VBP1: variants seen among roughly 807,000 people sequenced by gnomAD.
VBP1 encodes the protein prefoldin subunit 3.
A neutral mutation model predicts 15.5 loss-of-function variants in VBP1; 4 were observed. The ratio of observed to expected loss-of-function variants is 0.26; its 90% confidence interval spans 0.13 to 0.59. VBP1 has a LOEUF of 0.59. Among genes scored for constraint, VBP1 ranks in the 20% least tolerant of loss-of-function variants. VBP1 has a pLI of 0.90. For synonymous variants in VBP1, 61 were observed against 52.1 expected, an observed-to-expected ratio of 1.17 and a Z score of -0.74; for missense variants, 108 against 139.6, an observed-to-expected ratio of 0.77 and a Z score of 1.14.
chrX:155,221,936 C>T (rs1281862897), intron 2 of VBP1, among the ~76,000 whole-genome samples: 1 of 112,275 alleles, frequency 8.9e-6, no homozygotes, highest in East Asian at 2.8e-4. Context: ...ACATTAAGAA[C>T]AGTGTGCTCT....
At chrX:155,203,236 T>G (rs1412727033) in intron 1 of VBP1, among the ~76,000 whole-genome samples, 1 of 110,900 alleles carries the variant, frequency 9.0e-6, no homozygotes, top group African/African-American at 3.3e-5. Context: ...GAAATACCAT[T>G]TGACCCAGCC....
At chrX:155,220,993 C>T (rs1395087479) in intron 2 of VBP1, among the ~76,000 whole-genome samples, 1 of 110,508 alleles carries the variant, frequency 9.0e-6, no homozygotes, top group African/African-American at 3.3e-5. Flanking sequence ...GAGTTCAAGA[C>T]TAGCCTGGGC....
chrX:155,222,087 ATGTACATGTACTGCTTT>A (rs782317586), intron 2 of VBP1, among the ~76,000 whole-genome samples: 21 of 112,817 alleles, frequency 1.9e-4, no homozygotes, highest in Non-Finnish European at 3.7e-4. Context: ...ATTTTTTACA[ATGTACATGTACTGCTTT>A]TGTGATAGTA....
intron 2 of VBP1, among the ~76,000 whole-genome samples, chrX:155,225,680 A>G (rs1382941984): frequency 8.9e-6 from 1 of 112,450 alleles, no homozygotes; most frequent in Non-Finnish European, 1.9e-5. Context: ...AAAGTCATTT[A>G]CATGACAAAA....
chrX:155,197,651 GC>G, intron 1 of VBP1, among the ~76,000 whole-genome samples: 1 of 112,140 alleles, frequency 8.9e-6, no homozygotes, highest in Non-Finnish European at 1.9e-5. Flanking sequence ...AATAGGAACA[GC>G]TCCAGTCTAC....
At chrX:155,236,105 C>G in intron 4 of VBP1, 124 bp from the exon 5 acceptor site, 2 of 787,115 alleles carry the variant, frequency 2.5e-6, no homozygotes, top group South Asian at 6.7e-5. Flanking sequence ...TCCAGTGAAA[C>G]TTAACTTACA....
At chrX:155,234,816 G>A (rs1181763597) in intron 4 of VBP1, among the ~76,000 whole-genome samples, 2 of 112,231 alleles carry the variant, frequency 1.8e-5, no homozygotes, top group Non-Finnish European at 3.8e-5. Flanking sequence ...GATATTCCCT[G>A]AGTTATCTCA....
At chrX:155,201,757 C>A (rs1248908473) in intron 1 of VBP1, among the ~76,000 whole-genome samples, 18 of 107,365 alleles carry the variant, frequency 1.7e-4, no homozygotes, top group Admixed American at 3.0e-4. Context: ...AAGTTCTGGC[C>A]AGGGCAATTA....
intron 4 of VBP1, 87 bp from the exon 5 acceptor site, chrX:155,236,142 C>A: frequency 9.8e-7 from 1 of 1,021,661 alleles, no homozygotes; most frequent in Non-Finnish European, 1.3e-6. Context: ...TGGATTTGAC[C>A]TGAGGGCTGT....
chrX:155,204,779 G>T (rs1009452560), intron 1 of VBP1, among the ~76,000 whole-genome samples: 1 of 112,186 alleles, frequency 8.9e-6, no homozygotes, highest in Non-Finnish European at 1.9e-5. Flanking sequence ...ATATGGTTTA[G>T]TTTAGGTTAC....
At chrX:155,204,681 G>A (rs912673417) in intron 1 of VBP1, among the ~76,000 whole-genome samples, 1 of 111,721 alleles carries the variant, frequency 9.0e-6, no homozygotes, top group Non-Finnish European at 1.9e-5. Context: ...GCACAGAAGT[G>A]GAATAGTCAA....
chrX:155,236,425 A>G lies in VBP1; in HGVS notation c.523+58A>G, dbSNP rs146730147. On this transcript the variant is annotated intron_variant, in intron 5 of 5. Coordinates refer to ENST00000286428, the MANE Select transcript of VBP1 (RefSeq NM_003372.7). ...AAAGGAGAAAGATTTTTTTAAAAAA[A>G]CATTCTTTCATGGGCAGAGGGAGAG... The G allele has an allele frequency of 1.2e-3, 1,332 of 1,145,475 alleles. 20 individuals carry two copies. In the East Asian group the frequency reaches 0.035, roughly 30 times the overall value. 94.4% of individuals were successfully genotyped at this position (1,145,475 alleles called of 1,213,427 possible). A position where few individuals can be genotyped will look rare whatever the true frequency, so the allele number is the denominator to read the frequency against.
At chrX:155,203,457 G>C (rs1309001245) in intron 1 of VBP1, among the ~76,000 whole-genome samples, 10 of 110,109 alleles carry the variant, frequency 9.1e-5, no homozygotes, top group Non-Finnish European at 1.3e-4. Flanking sequence ...CATGTCCTTT[G>C]TAGGGACATG....
chrX:155,219,454 T>G (rs2074679024), intron 1 of VBP1, among the ~76,000 whole-genome samples: 1 of 112,481 alleles, frequency 8.9e-6, no homozygotes, highest in African/African-American at 3.2e-5. Flanking sequence ...AGGTTTACTT[T>G]GTTTCAGTTA....
intron 1 of VBP1, among the ~76,000 whole-genome samples, chrX:155,201,430 T>C (rs2074603379): frequency 1.0e-5 from 1 of 97,831 alleles, no homozygotes; most frequent in Non-Finnish European, 2.0e-5. Flanking sequence ...GTGGGCTTCA[T>C]CCCTGGGATG....
intron 1 of VBP1, among the ~76,000 whole-genome samples, chrX:155,205,777 G>A (rs1361170597): frequency 1.8e-5 from 2 of 111,550 alleles, no homozygotes; most frequent in African/African-American, 6.5e-5. Context: ...GTTCTTTCTA[G>A]GCACAGGGCT....
intron 2 of VBP1, among the ~76,000 whole-genome samples, chrX:155,223,831 C>T (rs1387948754): frequency 4.0e-4 from 43 of 108,126 alleles, no homozygotes; most frequent in South Asian, 2.5e-3. Context: ...GGGGGCTGCC[C>T]CCCACCTGCC....
intron 1 of VBP1, among the ~76,000 whole-genome samples, chrX:155,201,145 G>C (rs1194128746): frequency 2.7e-5 from 3 of 110,063 alleles, no homozygotes; most frequent in Non-Finnish European, 3.8e-5. Context: ...AAGAGTCCAG[G>C]ACCAGATGGA....
At chrX:155,237,839 A>C (rs1182672807) in intron 5 of VBP1, among the ~76,000 whole-genome samples, 1 of 111,636 alleles carries the variant, frequency 9.0e-6, no homozygotes. Flanking sequence ...ACCTTGCCAA[A>C]CCGTGAGCTC....
Sources: allele counts gnomAD v4.1 joint callset (sites outside exome capture counted in the v4.1 genomes callset), GRCh38; gene constraint gnomAD v4.1.1; transcripts MANE v1.5; gene names NCBI Gene and HGNC (gene_info 2026-07-23, HGNC 2026-07-21).